USH2A: variants seen among roughly 807,000 people sequenced by gnomAD.
USH2A encodes Usher syndrome 2A (autosomal recessive, mild).
In USH2A, 443 loss-of-function variants were observed where a neutral mutation model predicts 538.9. The observed-to-expected ratio is 0.82, with a 90% CI of 0.76 to 0.89. The LOEUF (loss-of-function observed/expected upper bound fraction) is 0.89. USH2A is among the 40% of genes least tolerant of loss of function. The pLI, the probability that USH2A is intolerant of heterozygous loss-of-function variation, is 0.00. For synonymous variants in USH2A, 2,413 were observed against 2,273.5 expected (o/e 1.06, Z -1.75); for missense variants, 6,633 against 6,324.8 (o/e 1.05, Z -1.65).
In USH2A at chr1:215,728,240, C is replaced by A; in HGVS notation, c.11856G>T (p.Glu3952Asp). 6.2e-7 allele frequency: 1 copy of A among 1,614,188 alleles called. No individual in the cohort carries two copies. Among genetic ancestry groups the A allele is most frequent in the Non-Finnish European group, 8.5e-7 (1 of 1,180,048 alleles). The change falls in exon 61 of 72, where the codon GAG becomes GAT. Residue 3952 changes from glutamate to aspartate, a missense_variant. Physicochemically the swap from Glu to Asp is conservative, Grantham distance 45. Transcript: ENST00000307340. ...VRACNSKGSV[E>D]SLWSLTQTLE... ...GAGTTTGTGTTAATGACCACAGACT[C>A]TCCACTGAACCCTTGGAGTTACAGG...
chr1:216,122,703 G>T (rs141625784), intron 21 of USH2A, among the ~76,000 whole-genome samples: 67 of 152,282 alleles, frequency 4.4e-4, no homozygotes, highest in Middle Eastern at 6.8e-3. Context: ...GAGTTTCTGA[G>T]AGCCTTAAAG....
At chr1:215,830,358 A>G (rs1289664870) in intron 47 of USH2A, among the ~76,000 whole-genome samples, 1 of 152,192 alleles carries the variant, frequency 6.6e-6, no homozygotes, top group African/African-American at 2.4e-5. Context: ...GCCAAATTGG[A>G]ATCTAAAGCC....
Position 216,422,501 on chromosome 1 carries a change from C to T in USH2A, c.-165G>A, listed in dbSNP as rs1308759123. 1.1e-5 allele frequency: 11 copies of T among 969,624 alleles called. No homozygotes were observed. The highest frequency in any genetic ancestry group is 3.2e-5 in the South Asian group (2 of 62,424). The allele number at this position is 969,624 out of a possible 1,614,324, so 60.1% of individuals were successfully genotyped here. On this transcript the variant is annotated 5_prime_UTR_variant, in exon 2 of 72. Coordinates refer to ENST00000307340, the MANE Select transcript of USH2A (RefSeq NM_206933.4). ...TCTCAGAGTAAGGTAATACCAACGA[C>T]GTTCTTAGCAATGGCGAAGACATGA...
intron 4 of USH2A, among the ~76,000 whole-genome samples, chr1:216,353,518 C>T (rs577326693): frequency 1.3e-5 from 2 of 152,186 alleles, no homozygotes; most frequent in African/African-American, 4.8e-5. Flanking sequence ...CCCACAAAAG[C>T]TGAAAATCCC....
rs1402264916 is a variant in USH2A at position 215,743,424 on chromosome 1, A to G, written c.11390-89T>C. On this transcript the variant is annotated intron_variant, in intron 58 of 71. Transcript: ENST00000307340. ...TGTGTGTGTGTGTGTGTGTATATAT[A>G]TATAGACACACATATATATATAAAT... is the stretch of plus-strand genomic sequence containing the variant. 7.0e-3 allele frequency: 2,167 copies of G among 311,678 alleles called. 49 individuals carry two copies. Among genetic ancestry groups the G allele is most frequent in the Admixed American group, 0.015 (206 of 13,304 alleles). The allele number at this position is 311,678 out of a possible 1,614,324, so 19.3% of individuals were successfully genotyped here. A position where few individuals can be genotyped will look rare whatever the true frequency, so the allele number is the denominator to read the frequency against.
At chr1:216,404,077 G>A (rs1292239090) in intron 3 of USH2A, among the ~76,000 whole-genome samples, 2 of 152,104 alleles carry the variant, frequency 1.3e-5, no homozygotes, top group African/African-American at 2.4e-5. Context: ...GTCTCTGGTA[G>A]TATCTTTATA....
chr1:216,254,820 A>G (rs996021606), intron 11 of USH2A, among the ~76,000 whole-genome samples: 1 of 152,178 alleles, frequency 6.6e-6, no homozygotes, highest in Non-Finnish European at 1.5e-5. Context: ...GCCAGTGCAC[A>G]CCAGCACTGA....
At chr1:215,690,591 C>T (rs1450793645) in intron 61 of USH2A, among the ~76,000 whole-genome samples, 1 of 152,102 alleles carries the variant, frequency 6.6e-6, no homozygotes, top group Non-Finnish European at 1.5e-5. Context: ...TATCTCAAAA[C>T]CCATAGTGTT....
At chr1:216,206,397 G>A (rs887410190) in intron 16 of USH2A, among the ~76,000 whole-genome samples, 21 of 152,144 alleles carry the variant, frequency 1.4e-4, no homozygotes, top group Middle Eastern at 6.8e-3. Context: ...TGATTCAAGC[G>A]CATTATATTT....
At chr1:215,899,034 C>CT (rs577681722) in intron 40 of USH2A, among the ~76,000 whole-genome samples, 112 of 151,860 alleles carry the variant, frequency 7.4e-4, no homozygotes, top group Admixed American at 3.1e-3. Context: ...ATAAAGGTGG[C>CT]TTTTTTTTGT....
chr1:215,639,852 C>T (rs1185448786), intron 68 of USH2A, among the ~76,000 whole-genome samples: 2 of 152,194 alleles, frequency 1.3e-5, no homozygotes, highest in Non-Finnish European at 2.9e-5. Flanking sequence ...GTTTCTATTA[C>T]TATACATGCA....
At chr1:216,389,022 G>A (rs1479317957) in intron 3 of USH2A, among the ~76,000 whole-genome samples, 5 of 152,258 alleles carry the variant, frequency 3.3e-5, no homozygotes, top group Middle Eastern at 3.4e-3. Context: ...AGTGACAGAA[G>A]GAGAATAAAA....
chr1:216,229,631 T>C (rs1006456080), intron 14 of USH2A, among the ~76,000 whole-genome samples: 3 of 152,234 alleles, frequency 2.0e-5, no homozygotes, highest in African/African-American at 7.2e-5. Context: ...CTTTCTTTAT[T>C]GTAACTTCGG....
At chr1:216,370,004 TA>T (rs1227405545) in intron 3 of USH2A, among the ~76,000 whole-genome samples, 1 of 151,776 alleles carries the variant, frequency 6.6e-6, no homozygotes, top group Non-Finnish European at 1.5e-5. Flanking sequence ...TACAGTTACC[TA>T]AGGCAGGTTT....
chr1:216,176,901 C>T (rs1414694480), intron 20 of USH2A, among the ~76,000 whole-genome samples: 1 of 152,092 alleles, frequency 6.6e-6, no homozygotes, highest in Non-Finnish European at 1.5e-5. Flanking sequence ...ATAATATTCC[C>T]TTGTCTGGAT....
rs1356306866 is a variant in USH2A at position 215,623,385 on chromosome 1, G to C, written c.*2396C>G. The C allele has an allele frequency of 6.6e-6, 1 of 152,030 alleles. No homozygotes were observed. Among genetic ancestry groups the C allele is most frequent in the Non-Finnish European group, 1.5e-5 (1 of 68,024 alleles). 9.4% of individuals were successfully genotyped at this position (152,030 alleles called of 1,614,324 possible). On this transcript the variant is annotated 3_prime_UTR_variant, in exon 72 of 72. Transcript: ENST00000307340. Reference sequence around the variant, plus strand: ...TGTACATGATTTCTTCCAGATTGTGGAACATCAGTGGGTCTCAACATTAGA... The same window carrying C: ...TGTACATGATTTCTTCCAGATTGTGCAACATCAGTGGGTCTCAACATTAGA...
At chr1:216,233,952 T>G (rs1334716065) in intron 13 of USH2A, among the ~76,000 whole-genome samples, 1 of 152,124 alleles carries the variant, frequency 6.6e-6, no homozygotes, top group Non-Finnish European at 1.5e-5. Flanking sequence ...GCAAAGAATT[T>G]TACTGAAACA....
chr1:215,759,788 A>G lies in USH2A; in HGVS notation c.11103T>C (p.Tyr3701=), dbSNP rs143453173. Residue 3701 remains tyrosine, a synonymous_variant, in exon 57 of 72, where the codon TAT becomes TAC. Transcript: ENST00000307340. Reference sequence around the variant, plus strand: ...CATTGGGCTTTTCTGGCAGACTCCAATATAATTCCACTGTTGTAGAATTGA... The same window carrying G: ...CATTGGGCTTTTCTGGCAGACTCCAGTATAATTCCACTGTTGTAGAATTGA... ...IIINSTTVEL[Y]WSLPEKPNGL... is the part of the protein sequence containing the mutation. The G allele has an allele frequency of 1.8e-5, 29 of 1,614,058 alleles. No homozygotes were observed. The Admixed American group carries it at 2.5e-4, about 14-fold the overall frequency.
rs114959432 is a variant in USH2A, at chr1:215,995,980, A to G, written c.6658-2813T>C. The stretch of plus-strand genomic sequence containing the variant: ...AGGCTGGAGTGCAGTGGCAGATCTC[A>G]GATCACTGCAACCTCTGCCTCTCGG... On this transcript the variant is annotated intron_variant, in intron 34 of 71. Transcript: ENST00000307340. Among the ~76,000 whole-genome samples the G allele has an allele frequency of 3.4e-3, 519 of 152,302 alleles. 2 individuals carry two copies. Among genetic ancestry groups the G allele is most frequent in the African/African-American group, 0.012 (483 of 41,566 alleles).
Sources: allele counts gnomAD v4.1 joint callset (sites outside exome capture counted in the v4.1 genomes callset), GRCh38; gene constraint gnomAD v4.1.1; transcripts MANE v1.5; gene names NCBI Gene and HGNC (gene_info 2026-07-23, HGNC 2026-07-21).